TUSC3: variants seen among roughly 807,000 people sequenced by gnomAD.
The protein encoded by TUSC3 is dolichyl-diphosphooligosaccharide--protein glycosyltransferase subunit TUSC3.
Under a neutral mutation model 44.8 loss-of-function variants are expected in TUSC3, and 45 were observed. That is an observed-to-expected ratio of 1.00 (90% CI 0.79 to 1.29). TUSC3 has a LOEUF of 1.29. TUSC3 is among the 50% of genes most tolerant of loss of function. The probability of loss-of-function intolerance (pLI) is 0.00; values close to 1 mark genes in which losing one functional copy is unlikely to be tolerated. For missense variants in TUSC3, 519 were observed against 437.9 expected (o/e 1.19, Z -1.65); for synonymous variants, 212 against 152.9 (o/e 1.39, Z -2.85).
At chr8:15,727,707 T>C (rs1271398849) in intron 6 of TUSC3, among the ~76,000 whole-genome samples, 1 of 152,216 alleles carries the variant, frequency 6.6e-6, no homozygotes, top group African/African-American at 2.4e-5. Context: ...ATGCTGTTTG[T>C]TTAGAAGATA....
chr8:15,540,359 G>T lies in TUSC3; in HGVS notation c.-72G>T. On this transcript the variant is annotated 5_prime_UTR_variant, in exon 1 of 11. Transcript: ENST00000503731. The stretch of plus-strand genomic sequence containing the variant: ...CCAGCGGGCTCCCGGAGGCTGGCCG[G>T]GCAGGCGTGGTGCGCGGTAGGAGCT... 1 of 1,423,116 alleles carries T rather than the reference G, an allele frequency of 7.0e-7. No homozygotes were observed. The highest frequency in any genetic ancestry group is 9.2e-7 in the Non-Finnish European group (1 of 1,084,512). The allele number at this position is 1,423,116 out of a possible 1,614,324, so 88.2% of individuals were successfully genotyped here. A position where few individuals can be genotyped will look rare whatever the true frequency, so the allele number is the denominator to read the frequency against.
the TUSC3 span, among the ~76,000 whole-genome samples, chr8:15,847,239 G>C: frequency 6.6e-6 from 1 of 152,208 alleles, no homozygotes; most frequent in South Asian, 2.1e-4. Flanking sequence ...ACAGAAGAAA[G>C]AACAGGGAAG....
At chr8:15,613,500 G>A (rs777709139) in intron 1 of TUSC3, among the ~76,000 whole-genome samples, 112 of 152,108 alleles carry the variant, frequency 7.4e-4, no homozygotes, top group Non-Finnish European at 1.5e-3. Context: ...CATGAGATGT[G>A]ATGGTTTTAT....
chr8:15,841,241 C>G, the TUSC3 span, among the ~76,000 whole-genome samples: 1 of 151,974 alleles, frequency 6.6e-6, no homozygotes, highest in African/African-American at 2.4e-5. Context: ...ATACATAGTT[C>G]TAACTCTATA....
chr8:15,702,653 C>A (rs1361995343), intron 6 of TUSC3, among the ~76,000 whole-genome samples: 1 of 152,058 alleles, frequency 6.6e-6, no homozygotes, highest in Non-Finnish European at 1.5e-5. Flanking sequence ...TCGGTGTCAC[C>A]ATTAATACCT....
intron 2 of TUSC3, among the ~76,000 whole-genome samples, chr8:15,501,208 G>A (rs1800960322): frequency 6.6e-6 from 1 of 152,058 alleles, no homozygotes. Flanking sequence ...TCCCTTTTGA[G>A]GATTTGCTAA....
At chr8:15,737,593 A>G (rs1230872083) in intron 7 of TUSC3, among the ~76,000 whole-genome samples, 1 of 152,174 alleles carries the variant, frequency 6.6e-6, no homozygotes, top group African/African-American at 2.4e-5. Context: ...TAATACAAAA[A>G]CTAGGCCAAA....
chr8:15,631,469 A>C, intron 2 of TUSC3, among the ~76,000 whole-genome samples: 1 of 152,176 alleles, frequency 6.6e-6, no homozygotes, highest in East Asian at 1.9e-4. Context: ...AGAAAATTGA[A>C]ACTAGTACAG....
At chr8:15,681,806 A>G (rs1808440247) in intron 6 of TUSC3, among the ~76,000 whole-genome samples, 1 of 152,054 alleles carries the variant, frequency 6.6e-6, no homozygotes, top group Non-Finnish European at 1.5e-5. Flanking sequence ...ATTTAACACT[A>G]TAAACATTTC....
At chr8:15,520,890 C>G (rs1344955717) in intron 2 of TUSC3, among the ~76,000 whole-genome samples, 1 of 152,116 alleles carries the variant, frequency 6.6e-6, no homozygotes, top group Non-Finnish European at 1.5e-5. Flanking sequence ...AGCAAACCAC[C>G]CTTAACAATG....
At chr8:15,782,484 TA>T in the TUSC3 span, among the ~76,000 whole-genome samples, 1 of 151,998 alleles carries the variant, frequency 6.6e-6, no homozygotes, top group Non-Finnish European at 1.5e-5. Context: ...GTCTCAAGAA[TA>T]AAAGAAAATA....
At chr8:15,617,606 T>G (rs1368120529) in intron 1 of TUSC3, among the ~76,000 whole-genome samples, 1 of 152,210 alleles carries the variant, frequency 6.6e-6, no homozygotes, top group Non-Finnish European at 1.5e-5. Context: ...GTGTACTCAT[T>G]AAGTACAGAA....
intron 10 of TUSC3, among the ~76,000 whole-genome samples, chr8:15,759,298 C>G (rs1243362667): frequency 6.6e-6 from 1 of 152,036 alleles, no homozygotes; most frequent in East Asian, 1.9e-4. Flanking sequence ...TATGTAACCA[C>G]TGGGTCTTCC....
chr8:15,576,251 TTC>T (rs1491163168), intron 1 of TUSC3, among the ~76,000 whole-genome samples: 3,414 of 92,294 alleles, frequency 0.037, 164 homozygotes, highest in East Asian at 0.26. Context: ...TGCTTTTTCT[TTC>T]TTTTTTTTTT....
At chr8:15,562,352 C>G (rs1802508592) in intron 1 of TUSC3, among the ~76,000 whole-genome samples, 1 of 152,132 alleles carries the variant, frequency 6.6e-6, no homozygotes, top group African/African-American at 2.4e-5. Context: ...ATCTTTCCAT[C>G]CGTCTTATCT....
chr8:15,778,113 AAAAAAC>A, the TUSC3 span, among the ~76,000 whole-genome samples: 1 of 103,008 alleles, frequency 9.7e-6, no homozygotes. Context: ...AAAAAAAAAC[AAAAAAC>A]CAAAAAACAA....
At chr8:15,636,374 G>T (rs1184095123) in intron 2 of TUSC3, among the ~76,000 whole-genome samples, 1 of 152,116 alleles carries the variant, frequency 6.6e-6, no homozygotes, top group Non-Finnish European at 1.5e-5. Flanking sequence ...TGGGTGGCCA[G>T]GGTCAGCTGC....
intron 2 of TUSC3, among the ~76,000 whole-genome samples, chr8:15,517,076 C>G (rs570694139): frequency 6.6e-6 from 1 of 152,274 alleles, no homozygotes; most frequent in East Asian, 1.9e-4. Context: ...ACCGACGTCA[C>G]TAATCAATAG....
intron 10 of TUSC3, among the ~76,000 whole-genome samples, chr8:15,761,130 A>AAT (rs1435769898): frequency 6.6e-6 from 1 of 152,214 alleles, no homozygotes; most frequent in African/African-American, 2.4e-5. Flanking sequence ...AGATTAAGAA[A>AAT]ATAGCTAACA....
Sources: allele counts gnomAD v4.1 joint callset (sites outside exome capture counted in the v4.1 genomes callset), GRCh38; gene constraint gnomAD v4.1.1; transcripts MANE v1.5; gene names NCBI Gene and HGNC (gene_info 2026-07-23, HGNC 2026-07-21).